The following GRHL2 variants were observed in gnomAD, a reference collection of about 807,000 sequenced individuals.
GRHL2 encodes grainyhead-like protein 2 homolog.
Under a neutral mutation model 83.8 loss-of-function variants are expected in GRHL2, and 21 were observed. The ratio of observed to expected loss-of-function variants is 0.25; its 90% CI spans 0.18 to 0.36. The LOEUF is 0.36. Among genes scored for constraint, GRHL2 ranks in the 10% least tolerant of loss-of-function variants. The pLI is 1.00. For missense variants in GRHL2, 623 were observed against 781.8 expected (o/e 0.80, Z 2.42); for synonymous variants, 280 against 278.9 (o/e 1.00, Z -0.04).
rs117171736 is a variant in GRHL2 at position 101,554,618 on chromosome 8, T to C, written c.284+1836T>C. ...TTGAATATAATTTGGAAGGATGTCA[T>C]TGTGATCTGCAGCATATTCATGAAT... On this transcript the variant is annotated intron_variant, in intron 3 of 15. Coordinates refer to ENST00000646743, the MANE Select transcript of GRHL2 (RefSeq NM_024915.4). 2.4e-3 allele frequency among the ~76,000 whole-genome samples: 363 copies of C among 152,354 alleles called. 6 individuals carry two copies. The East Asian group carries it at 0.06, about 25-fold the overall frequency.
intron 1 of GRHL2, among the ~76,000 whole-genome samples, chr8:101,523,894 C>T (rs1810748101): frequency 6.6e-6 from 1 of 152,190 alleles, no homozygotes; most frequent in Admixed American, 6.5e-5. Context: ...TCTTCTGGTT[C>T]ATAACCTTAT....
At chr8:101,597,148 A>G (rs579505) in intron 7 of GRHL2, among the ~76,000 whole-genome samples, 67,504 of 152,044 alleles carry the variant, frequency 0.44, 17,836 homozygotes, top group Non-Finnish European at 0.59. Flanking sequence ...CATCCTGGAG[A>G]GTGAATCTGG....
At chr8:101,535,438 CTG>C (rs1206683496) in intron 1 of GRHL2, among the ~76,000 whole-genome samples, 3 of 152,218 alleles carry the variant, frequency 2.0e-5, no homozygotes, top group Admixed American at 2.0e-4. Context: ...AGGCCAGTGA[CTG>C]TGCATGGGAG....
chr8:101,516,971 A>G (rs977730526), intron 1 of GRHL2, among the ~76,000 whole-genome samples: 9 of 152,228 alleles, frequency 5.9e-5, no homozygotes, highest in African/African-American at 1.9e-4. Flanking sequence ...AATGTTCTGG[A>G]TCAAGTTCAC....
intron 1 of GRHL2, among the ~76,000 whole-genome samples, chr8:101,495,153 G>A (rs529147768): frequency 1.3e-5 from 2 of 152,368 alleles, no homozygotes; most frequent in Admixed American, 1.3e-4. Context: ...CCTGGGTACA[G>A]CGTGGGGCTT....
intron 9 of GRHL2, among the ~76,000 whole-genome samples, chr8:101,630,620 C>T (rs1474347288): frequency 6.6e-6 from 1 of 152,092 alleles, no homozygotes. Flanking sequence ...CATTACTGCT[C>T]CCTAAATATG....
At chr8:101,603,915 G>T (rs1019165489) in intron 8 of GRHL2, among the ~76,000 whole-genome samples, 1 of 150,772 alleles carries the variant, frequency 6.6e-6, no homozygotes, top group Non-Finnish European at 1.5e-5. Context: ...CACTGAAATG[G>T]AGTTCAGACC....
intron 1 of GRHL2, among the ~76,000 whole-genome samples, chr8:101,534,353 C>G (rs1161180454): frequency 1.3e-5 from 2 of 152,124 alleles, no homozygotes; most frequent in African/African-American, 4.8e-5. Flanking sequence ...CAGTTCCTCA[C>G]CGGCTGTTTG....
At chr8:101,588,017 T>C (rs1204943227) in intron 7 of GRHL2, among the ~76,000 whole-genome samples, 3 of 152,224 alleles carry the variant, frequency 2.0e-5, no homozygotes, top group Non-Finnish European at 1.5e-5. Flanking sequence ...CAAAATAAGG[T>C]AAAGCTAATC....
At chr8:101,520,603 A>G (rs1315345141) in intron 1 of GRHL2, among the ~76,000 whole-genome samples, 1 of 152,132 alleles carries the variant, frequency 6.6e-6, no homozygotes, top group African/African-American at 2.4e-5. Flanking sequence ...CACCCTCTGT[A>G]TGGATTGAAC....
At chr8:101,671,614 G>T (rs1005166314), downstream of GRHL2, among the ~76,000 whole-genome samples, 2 of 152,178 alleles carry the variant, frequency 1.3e-5, no homozygotes, top group African/African-American at 2.4e-5. Context: ...CTGGGGGCAG[G>T]GCACAGACAA....
intron 14 of GRHL2, among the ~76,000 whole-genome samples, chr8:101,650,693 G>A (rs548968179): frequency 6.6e-6 from 1 of 151,984 alleles, no homozygotes. Context: ...TTTTCTTTGG[G>A]GGGGATGAAA....
At chr8:101,645,604 G>A in intron 13 of GRHL2, among the ~76,000 whole-genome samples, 1 of 152,074 alleles carries the variant, frequency 6.6e-6, no homozygotes, top group South Asian at 2.1e-4. Flanking sequence ...CTGCTCCTCG[G>A]CGTCCTCATC....
downstream of GRHL2, among the ~76,000 whole-genome samples, chr8:101,670,594 C>T (rs1369426218): frequency 6.6e-6 from 1 of 152,330 alleles, no homozygotes; most frequent in East Asian, 1.9e-4. Context: ...TCCACAGCCT[C>T]ATTAGGAGGT....
chr8:101,663,352 G>A (rs1309015174), intron 14 of GRHL2, among the ~76,000 whole-genome samples: 3 of 152,002 alleles, frequency 2.0e-5, no homozygotes, highest in East Asian at 1.9e-4. Flanking sequence ...GGTGGCTCAC[G>A]TCTGTAATCC....
At chr8:101,657,046 A>G (rs1005952063) in intron 14 of GRHL2, among the ~76,000 whole-genome samples, 10 of 151,692 alleles carry the variant, frequency 6.6e-5, no homozygotes, top group African/African-American at 2.4e-4. Flanking sequence ...TCATGGCCTT[A>G]GTAGCACCCA....
chr8:101,674,009 C>G (rs544634583), downstream of GRHL2, among the ~76,000 whole-genome samples: 2 of 151,910 alleles, frequency 1.3e-5, no homozygotes, highest in African/African-American at 4.8e-5. Flanking sequence ...TTGAAACCAA[C>G]GAGAACAAAG....
chr8:101,671,216 C>T (rs980311950), downstream of GRHL2, among the ~76,000 whole-genome samples: 8 of 152,120 alleles, frequency 5.3e-5, no homozygotes, highest in Non-Finnish European at 7.4e-5. Context: ...TGAAGCAGGG[C>T]GAGGCATTGC....
intron 8 of GRHL2, among the ~76,000 whole-genome samples, chr8:101,609,059 A>G (rs1812694598): frequency 6.6e-6 from 1 of 150,528 alleles, no homozygotes; most frequent in African/African-American, 2.5e-5. Context: ...TGAAGTCATG[A>G]GAAAGGACGA....
Sources: gnomAD v4.1 joint callset for allele counts (sites outside exome capture counted in the v4.1 genomes callset) on GRCh38, gnomAD v4.1.1 for gene constraint, MANE v1.5 for transcripts, NCBI Gene and HGNC (gene_info 2026-07-23, HGNC 2026-07-21) for gene names.